Variants in IL31RA observed in about 807,000 individuals in gnomAD.
IL31RA encodes the protein interleukin 31 receptor A.
Under a neutral mutation model 83.7 loss-of-function variants are expected in IL31RA, and 66 were observed. The ratio of observed to expected loss-of-function variants is 0.79; its 90% confidence interval spans 0.65 to 0.97. The LOEUF (loss-of-function observed/expected upper bound fraction) is 0.97, where lower values mean the gene tolerates loss of function less well. Among genes scored for constraint, IL31RA ranks in the 50% least tolerant of loss-of-function variants. The pLI is 0.00. For missense variants in IL31RA, 798 were observed against 919.4 expected (o/e 0.87, Z 1.71); for synonymous variants, 325 against 329.0 (o/e 0.99, Z 0.13).
In IL31RA at chr5:55,917,127, C is replaced by T. The variant is rs962810218; in HGVS notation, c.*7C>T. 8 of 1,614,124 alleles carry T rather than the reference C, an allele frequency of 5.0e-6. No individual in the cohort carries two copies. In the South Asian group the frequency reaches 6.6e-5, roughly 13 times the overall value. On this transcript the variant is annotated 3_prime_UTR_variant, in exon 15 of 15. Coordinates refer to ENST00000652347, the MANE Select transcript of IL31RA (RefSeq NM_139017.7). ...CACCAAGGGAGAAGTCTAAATGCGA[C>T]CATAGCATGAGACCCTCGGGGCCTC...
In IL31RA at chr5:55,917,128, C is replaced by T. The variant is rs746055029; in HGVS notation, c.*8C>T. 33 of 1,613,968 alleles carry T rather than the reference C, an allele frequency of 2.0e-5. No homozygotes were observed. Among genetic ancestry groups the T allele is most frequent in the Non-Finnish European group, 2.8e-5 (33 of 1,180,042 alleles). ...ACCAAGGGAGAAGTCTAAATGCGAC[C>T]ATAGCATGAGACCCTCGGGGCCTCA... On this transcript the variant is annotated 3_prime_UTR_variant, in exon 15 of 15. Coordinates refer to ENST00000652347, the MANE Select transcript of IL31RA (RefSeq NM_139017.7).
At chr5:55,896,758 G>GCCTTC (rs1236731451) in intron 7 of IL31RA, among the ~76,000 whole-genome samples, 10 of 34,678 alleles carry the variant, frequency 2.9e-4, no homozygotes, top group Non-Finnish European at 4.9e-4. Context: ...GCCTTGCCTT[G>GCCTTC]CCTTCCCTTC....
chr5:55,915,729 C>T (rs998825186), intron 14 of IL31RA, among the ~76,000 whole-genome samples: 1 of 152,012 alleles, frequency 6.6e-6, no homozygotes, highest in African/African-American at 2.4e-5. Context: ...CTGATTTATA[C>T]CCCCATTTAC....
At chr5:55,876,412 A>G (rs1746855124) in intron 4 of IL31RA, among the ~76,000 whole-genome samples, 1 of 152,152 alleles carries the variant, frequency 6.6e-6, no homozygotes, top group Non-Finnish European at 1.5e-5. Flanking sequence ...CTCAAAAAAT[A>G]TATATATTTT....
intron 10 of IL31RA, 152 bp from the exon 11 acceptor site, chr5:55,908,113 C>T: frequency 1.8e-6 from 2 of 1,084,356 alleles, no homozygotes; most frequent in Non-Finnish European, 1.3e-6. Context: ...AACAATTTTC[C>T]CAAACAAGCT....
chr5:55,858,738 A>G (rs766959372), intron 1 of IL31RA, among the ~76,000 whole-genome samples: 3 of 152,070 alleles, frequency 2.0e-5, no homozygotes, highest in Non-Finnish European at 4.4e-5. Flanking sequence ...CCACCATTTC[A>G]TCTTAGATGA....
intron 1 of IL31RA, among the ~76,000 whole-genome samples, chr5:55,856,729 C>T (rs551303418): frequency 1.3e-5 from 2 of 152,224 alleles, no homozygotes; most frequent in South Asian, 4.2e-4. Context: ...TTGTGGCTGC[C>T]CTGTCAGAGT....
intron 14 of IL31RA, among the ~76,000 whole-genome samples, chr5:55,915,554 A>G (rs949517833): frequency 2.4e-4 from 36 of 152,342 alleles, no homozygotes; most frequent in African/African-American, 7.5e-4. Flanking sequence ...AATCAAATAT[A>G]ACCTTTAAAT....
At chr5:55,912,603 C>T (rs532204947) in intron 12 of IL31RA, among the ~76,000 whole-genome samples, 12 of 152,256 alleles carry the variant, frequency 7.9e-5, no homozygotes, top group African/African-American at 2.9e-4. Flanking sequence ...TCAAGACCAG[C>T]CTGGCCAACA....
At position 55,922,266 on chromosome 5, in the gene IL31RA, A is replaced by T; in HGVS notation, c.*5146A>T. On this transcript the variant is annotated 3_prime_UTR_variant, in exon 15 of 15. Coordinates refer to ENST00000652347, the MANE Select transcript of IL31RA (RefSeq NM_139017.7). ...CCAAGACGCTTGTCGTGTGCTGATG[A>T]AAAGGGCTGGGGAGAAGCAAGGGGC... 1 of 757,402 alleles carries T rather than the reference A, an allele frequency of 1.3e-6. No individual in the cohort carries two copies. The allele number at this position is 757,402 out of a possible 1,614,324, so 46.9% of individuals were successfully genotyped here. A position where few individuals can be genotyped will look rare whatever the true frequency, so the allele number is the denominator to read the frequency against.
At chr5:55,909,361 G>A (rs1049504177) in intron 11 of IL31RA, among the ~76,000 whole-genome samples, 14 of 152,090 alleles carry the variant, frequency 9.2e-5, no homozygotes, top group Admixed American at 4.6e-4. Flanking sequence ...TGTCTGCTAC[G>A]AACATATGCT....
chr5:55,920,183 A>C lies in IL31RA; in HGVS notation c.*3063A>C, dbSNP rs1289123267. ...GAGGCAGGAGATGGGGAGAGATGAA[A>C]AAGGAGAGGCCCACAGTATGGATGC... is the stretch of plus-strand genomic sequence containing the variant. On this transcript the variant is annotated 3_prime_UTR_variant, in exon 15 of 15. Coordinates refer to ENST00000652347, the MANE Select transcript of IL31RA (RefSeq NM_139017.7). Among the ~76,000 whole-genome samples, 2 of 152,176 alleles carry C rather than the reference A, an allele frequency of 1.3e-5. No homozygotes were observed. Among genetic ancestry groups the C allele is most frequent in the Non-Finnish European group, 2.9e-5 (2 of 68,038 alleles).
At chr5:55,849,835 T>C (rs555819283), upstream of IL31RA, among the ~76,000 whole-genome samples, 2 of 152,374 alleles carry the variant, frequency 1.3e-5, no homozygotes, top group South Asian at 4.1e-4. Flanking sequence ...CCATTTTTCC[T>C]TTTTGTTTTG....
Position 55,862,060 on chromosome 5 carries a change from A to C in IL31RA, c.154+2461A>C, listed in dbSNP as rs569616550. Among the ~76,000 whole-genome samples, 29 of 152,306 alleles carry C rather than the reference A, an allele frequency of 1.9e-4. No individual in the cohort carries two copies. In the South Asian group the frequency reaches 2.9e-3, roughly 15 times the overall value. On this transcript the variant is annotated intron_variant, in intron 2 of 14. Coordinates refer to ENST00000652347, the MANE Select transcript of IL31RA (RefSeq NM_139017.7). ...CAATTTTTCTTAGAGGAAGTGATGA[A>C]TGTTTTTCCCCTTATTTCTAGAAAT...
rs964901449 is a variant in IL31RA at position 55,916,903 on chromosome 5, C to T, written c.2078C>T (p.Pro693Leu). ...AGTTTTGAGGAGCTCCCAGTTTCAC[C>T]TGAGATTCCGCCCAGAAAATCCCAA... ...GKSFEELPVS[P>L]EIPPRKSQYL... is the part of the protein sequence containing the mutation. Residue 693 changes from proline to leucine, a missense_variant, in exon 15 of 15, where the codon CCT (proline) becomes CTT (leucine). Coordinates refer to ENST00000652347, the MANE Select transcript of IL31RA (RefSeq NM_139017.7). The T allele has an allele frequency of 3.1e-6, 5 of 1,614,082 alleles. No homozygotes were observed. Among genetic ancestry groups the T allele is most frequent in the Non-Finnish European group, 3.4e-6 (4 of 1,179,944 alleles).
At position 55,894,018 on chromosome 5, in the gene IL31RA, A is replaced by G. The variant is rs146521737; in HGVS notation, c.773-2332A>G. ...CAAGAAGAATTTCACTCATATTTCT[A>G]GTCAAGTGCCTGGAATGATTATTTA... On this transcript the variant is annotated intron_variant, in intron 6 of 14. Transcript: ENST00000652347. Among the ~76,000 whole-genome samples the G allele has an allele frequency of 1.7e-3, 264 of 152,244 alleles. 3 individuals carry two copies. The highest frequency in any genetic ancestry group is 6.2e-3 in the African/African-American group (258 of 41,558).
At chr5:55,845,406 T>G in the IL31RA span, among the ~76,000 whole-genome samples, 1 of 93,552 alleles carries the variant, frequency 1.1e-5, no homozygotes, top group South Asian at 3.5e-4. Flanking sequence ...TGTAGTGGGG[T>G]ATTTTCTTTC....
At chr5:55,854,997 A>G (rs1226690635) in intron 1 of IL31RA, among the ~76,000 whole-genome samples, 2 of 152,030 alleles carry the variant, frequency 1.3e-5, no homozygotes, top group Non-Finnish European at 2.9e-5. Flanking sequence ...AGTATAAACC[A>G]AGTCCTGTGG....
Position 55,918,859 on chromosome 5 carries a change from C to T in IL31RA, c.*1739C>T, listed in dbSNP as rs1749946807. On this transcript the variant is annotated 3_prime_UTR_variant, in exon 15 of 15. Transcript: ENST00000652347. ...TTACGGAACAGTGACTTCTGGTACA[C>T]CAAGGAATGAGGGAGGCCCGAGGCA... is the stretch of plus-strand genomic sequence containing the variant. Among the ~76,000 whole-genome samples, 1 of 152,114 alleles carries T rather than the reference C, an allele frequency of 6.6e-6. No individual in the cohort carries two copies. Among genetic ancestry groups the T allele is most frequent in the African/African-American group, 2.4e-5 (1 of 41,392 alleles).
Sources: gnomAD v4.1 joint callset for allele counts (sites outside exome capture counted in the v4.1 genomes callset) on GRCh38, gnomAD v4.1.1 for gene constraint, MANE v1.5 for transcripts, NCBI Gene and HGNC (gene_info 2026-07-23, HGNC 2026-07-21) for gene names.